The following ZNF823 variants were observed in gnomAD, a reference collection of about 807,000 sequenced individuals.
ZNF823 encodes zinc finger protein 823, also known as ZFP 36 for a zinc finger protein.
ZNF823 carries 5 observed loss-of-function variants against 11.4 expected under a neutral mutation model. That is an observed-to-expected ratio of 0.44 (90% CI 0.23 to 0.92). ZNF823 has a LOEUF of 0.92. Among genes scored for constraint, ZNF823 ranks in the 40% least tolerant of loss-of-function variants. The pLI, the probability that ZNF823 is intolerant of heterozygous loss-of-function variation, is 0.24. For synonymous variants in ZNF823, 234 were observed against 250.5 expected (o/e 0.93, Z 0.62); for missense variants, 582 against 738.5 (o/e 0.79, Z 2.46).
chr19:11,731,647 T>C (rs1254165654), intron 1 of ZNF823, among the ~76,000 whole-genome samples: 1 of 152,152 alleles, frequency 6.6e-6, no homozygotes, highest in African/African-American at 2.4e-5. Context: ...CAGATGTCAT[T>C]TGTAAGCCCC....
Position 11,722,528 on chromosome 19 carries a change from T to C in ZNF823, c.1006A>G (p.Ile336Val). ...HTGDGPHKCK[I>V]CGKGFDCPSS... is the part of the protein sequence containing the mutation. ...GGACAATCAAAGCCTTTCCCACATA[T>C]CTTACATTTATGTGGTCCGTCTCCA... The change falls in exon 4 of 4, where the codon ATA becomes GTA. Residue 336 changes from isoleucine (I) to valine (V), a missense_variant. By Grantham distance (29) the Ile-to-Val change is conservative. Transcript: ENST00000341191. The surrounding 1 kb of genome is among the most constrained non-coding windows in gnomAD (Gnocchi z 5.2). The C allele has an allele frequency of 6.2e-7, 1 of 1,613,994 alleles. No homozygotes were observed. Among genetic ancestry groups the C allele is most frequent in the Non-Finnish European group, 8.5e-7 (1 of 1,179,968 alleles).
intron 3 of ZNF823, among the ~76,000 whole-genome samples, 193 bp from the exon 4 acceptor site, chr19:11,723,535 A>ATTCT (rs536875102): frequency 2.0e-5 from 3 of 151,840 alleles, no homozygotes; most frequent in Non-Finnish European, 2.9e-5. Context: ...TCACATGGAG[A>ATTCT]TTCTTTCTTT....
intron 1 of ZNF823, 60 bp downstream of exon 1, chr19:11,738,757 T>C: frequency 6.4e-7 from 1 of 1,565,386 alleles, no homozygotes; most frequent in South Asian, 1.2e-5. Flanking sequence ...TCACGGTCGG[T>C]TCCGGCCGGT....
intron 1 of ZNF823, among the ~76,000 whole-genome samples, chr19:11,733,635 G>A (rs1402821400): frequency 6.6e-6 from 1 of 152,154 alleles, no homozygotes; most frequent in Non-Finnish European, 1.5e-5. Flanking sequence ...GGAGATGGAG[G>A]TTGCAGTGAG....
intron 1 of ZNF823, among the ~76,000 whole-genome samples, chr19:11,728,398 G>A (rs540509106): frequency 6.6e-6 from 1 of 152,106 alleles, no homozygotes; most frequent in Admixed American, 6.6e-5. Context: ...GTATATTATG[G>A]CATACTTTTC....
At chr19:11,726,554 A>G (rs1974796355) in intron 1 of ZNF823, among the ~76,000 whole-genome samples, 1 of 151,922 alleles carries the variant, frequency 6.6e-6, no homozygotes, top group African/African-American at 2.4e-5. Flanking sequence ...GTATCTCAGG[A>G]GTAGGCCTAG....
intron 1 of ZNF823, among the ~76,000 whole-genome samples, chr19:11,732,744 C>CT (rs1974925582): frequency 6.6e-6 from 1 of 152,208 alleles, no homozygotes; most frequent in Admixed American, 6.5e-5. Context: ...AGCTTTCCCT[C>CT]TTGACACCAC....
rs2145200185 is a variant in ZNF823 at position 11,721,706 on chromosome 19, G to T, written c.1828C>A (p.Leu610Ile). The stretch of plus-strand genomic sequence containing the variant: ...TTTTCCCACATTCCATACATTTAGA[G>T]AGTATCTTTCCAGTGAGTCCTTTTA... ...RHKRTHWKDT[L>I] The change falls in exon 4 of 4, where the codon CTC (leucine) becomes ATC (isoleucine). Residue 610 changes from leucine to isoleucine, a missense_variant. Physicochemically the swap from Leu to Ile is conservative, Grantham distance 5 (BLOSUM62 2). This residue lies in a region of ZNF823 where 144 missense variants were observed against 154.3 expected (regional missense o/e 0.93). Coordinates refer to ENST00000341191, the MANE Select transcript of ZNF823 (RefSeq NM_001080493.4). 1 of 1,607,008 alleles carries T rather than the reference G, an allele frequency of 6.2e-7. No individual in the cohort carries two copies. Among genetic ancestry groups the T allele is most frequent in the Non-Finnish European group, 8.5e-7 (1 of 1,176,588 alleles).
chr19:11,721,468 A>G lies in ZNF823; in HGVS notation c.*233T>C, dbSNP rs5851. 226,103 of 475,260 alleles carry G rather than the reference A, an allele frequency of 0.48. 54,670 individuals carry two copies. Among genetic ancestry groups the G allele is most frequent in the African/African-American group, 0.58 (29,964 of 51,732 alleles). 29.4% of individuals were successfully genotyped at this position (475,260 alleles called of 1,614,324 possible). A position where few individuals can be genotyped will look rare whatever the true frequency, so the allele number is the denominator to read the frequency against. ...GAGATGATTTACACAGTATACTGGAAGATATGCATAGGTTACATGCAAATA... is the reference window on the plus strand; with the variant it reads ...GAGATGATTTACACAGTATACTGGAGGATATGCATAGGTTACATGCAAATA... On this transcript the variant is annotated 3_prime_UTR_variant, in exon 4 of 4. Transcript: ENST00000341191.
At chr19:11,725,802 C>T (rs569793019) in intron 1 of ZNF823, among the ~76,000 whole-genome samples, 2 of 152,126 alleles carry the variant, frequency 1.3e-5, no homozygotes, top group Non-Finnish European at 2.9e-5. Flanking sequence ...ACTGTTTATG[C>T]AAAATATAGG....
chr19:11,722,441 A>T lies in ZNF823; in HGVS notation c.1093T>A (p.Cys365Ser), dbSNP rs1485574532. 10 of 1,614,040 alleles carry T rather than the reference A, an allele frequency of 6.2e-6. No homozygotes were observed. The highest frequency in any genetic ancestry group is 4.0e-5 in the African/African-American group (3 of 74,908). The change falls in exon 4 of 4, where the codon TGT becomes AGT. Residue 365 changes from cysteine (C) to serine (S), a missense_variant. Transcript: ENST00000341191. The surrounding 1 kb of genome is among the most constrained non-coding windows in gnomAD (Gnocchi z 5.2). ...GAGCTATGAGATAACACTTTCCCAC[A>T]CTGCTTACATTCATAGGGTTTCTCT... is the stretch of plus-strand genomic sequence containing the variant. Reference protein sequence around the residue: ...TGEKPYECKQCGKVLSHSSSF... With the variant: ...TGEKPYECKQSGKVLSHSSSF...
At chr19:11,727,386 T>A (rs976116404) in intron 1 of ZNF823, among the ~76,000 whole-genome samples, 2 of 152,002 alleles carry the variant, frequency 1.3e-5, no homozygotes, top group African/African-American at 4.8e-5. Context: ...GTGGCGCACC[T>A]GTCATCCCAG....
chr19:11,738,750 C>G, intron 1 of ZNF823, 67 bp downstream of exon 1: 1 of 1,538,816 alleles, frequency 6.5e-7, no homozygotes, highest in South Asian at 1.3e-5. Context: ...GGTCCCCTCA[C>G]GGTCGGTTCC....
At chr19:11,725,887 G>A (rs4340427) in intron 1 of ZNF823, 1,797 of 153,300 alleles carry the variant, frequency 0.012, 13 homozygotes, top group Non-Finnish European at 0.018. Flanking sequence ...TTAAGAACAG[G>A]AGTTTAGGAC....
chr19:11,737,489 C>T (rs900711534), intron 1 of ZNF823, among the ~76,000 whole-genome samples: 24 of 151,576 alleles, frequency 1.6e-4, no homozygotes, highest in African/African-American at 5.6e-4. Flanking sequence ...CTCGAACTCC[C>T]GACCTCAGGT....
At chr19:11,728,845 G>A (rs1974843369) in intron 1 of ZNF823, among the ~76,000 whole-genome samples, 1 of 152,202 alleles carries the variant, frequency 6.6e-6, no homozygotes, top group East Asian at 1.9e-4. Flanking sequence ...ACATATACCA[G>A]TTAAAAAGAC....
At chr19:11,732,309 C>A (rs1448822758) in intron 1 of ZNF823, among the ~76,000 whole-genome samples, 1 of 152,044 alleles carries the variant, frequency 6.6e-6, no homozygotes, top group African/African-American at 2.4e-5. Context: ...GGACTACAGG[C>A]AACTGCCACC....
Position 11,721,887 on chromosome 19 carries a change from G to A in ZNF823, c.1647C>T (p.His549=), listed in dbSNP as rs1462092086. The A allele has an allele frequency of 1.2e-6, 2 of 1,614,108 alleles. No homozygotes were observed. The highest frequency in any genetic ancestry group is 1.7e-5 in the Admixed American group (1 of 60,020). Residue 549 remains histidine, a synonymous_variant, in exon 4 of 4, where the codon CAC becomes CAT. Coordinates refer to ENST00000341191, the MANE Select transcript of ZNF823 (RefSeq NM_001080493.4). ...GACATTCATAGGGTTTCTCTCCAGTGTGAATTCTTTCATGTCGTAGAAGGC... is the reference window on the plus strand; with the variant it reads ...GACATTCATAGGGTTTCTCTCCAGTATGAATTCTTTCATGTCGTAGAAGGC... The part of the protein sequence containing the change: ...LTCLLRHERI[H]TGEKPYECLQ...
At chr19:11,738,624 C>A (rs1216514833) in intron 1 of ZNF823, among the ~76,000 whole-genome samples, 193 bp downstream of exon 1, 1 of 152,228 alleles carries the variant, frequency 6.6e-6, no homozygotes, top group Non-Finnish European at 1.5e-5. Context: ...CGGGACAGGA[C>A]GCCCGGGGTC....
Sources: gnomAD v4.1 joint callset for allele counts (sites outside exome capture counted in the v4.1 genomes callset) on GRCh38, gnomAD v4.1.1 for gene constraint, gnomAD v4.1.1 regional missense constraint, Gnocchi (gnomAD v3.1) non-coding constraint, MANE v1.5 for transcripts, NCBI Gene and HGNC (gene_info 2026-07-23, HGNC 2026-07-21) for gene names.